Variants in DOP1B observed in about 807,000 individuals in gnomAD.
DOP1B encodes DOP1 leucine zipper like protein B, also known as protein DOP1B.
DOP1B carries 174 observed loss-of-function variants against 233.5 expected under a neutral mutation model. The observed-to-expected ratio is 0.75, with a 90% CI of 0.66 to 0.85. The LOEUF is 0.85. DOP1B is among the 40% of genes least tolerant of loss of function. The pLI is 0.00. For missense variants in DOP1B, 2,652 were observed against 2,846.6 expected, an observed-to-expected ratio of 0.93 and a Z score of 1.56; for synonymous variants, 1,190 against 1,185.6, an observed-to-expected ratio of 1.00 and a Z score of -0.08.
chr21:36,289,424 GGTGTGTGTGTGTGTGTGTGTGT>G (rs59907412), intron 35 of DOP1B, among the ~76,000 whole-genome samples: 63,803 of 145,098 alleles, frequency 0.44, 13,723 homozygotes, highest in Middle Eastern at 0.54. Flanking sequence ...GTGTTTCTAT[GGTGTGTGTGTGTGTGTGTGTGT>G]GTGTGTGTGT....
chr21:36,249,972 C>A (rs12627483), intron 21 of DOP1B, among the ~76,000 whole-genome samples: 21,934 of 152,140 alleles, frequency 0.14, 1,683 homozygotes, highest in South Asian at 0.26. Flanking sequence ...ATTTTCTAAA[C>A]CTTTTTTAGG....
chr21:36,169,924 A>T, intron 2 of DOP1B: 1 of 771,898 alleles, frequency 1.3e-6, no homozygotes, highest in Non-Finnish European at 2.4e-6. Context: ...AATGCCCACA[A>T]CCACCATAGG....
At position 36,246,897 on chromosome 21, in the gene DOP1B, T is replaced by TGTTATG. The variant is rs1601446510; in HGVS notation, c.4697+220_4697+221insGTTATG. ...TGTTATGTTATGTTATGTTATGTTA[T>TGTTATG]TTTTGAGACAGAGTCTCTGTCACCC... On this transcript the variant is annotated intron_variant, in intron 19 of 36. Coordinates refer to ENST00000691173, the MANE Select transcript of DOP1B (RefSeq NM_001320714.2). The surrounding 1 kb of genome is among the most constrained non-coding windows in gnomAD (Gnocchi z 5.1). 6.9e-6 allele frequency among the ~76,000 whole-genome samples: 1 copy of TGTTATG among 145,084 alleles called. No individual in the cohort carries two copies. Among genetic ancestry groups the TGTTATG allele is most frequent in the Non-Finnish European group, 1.5e-5 (1 of 65,846 alleles).
At chr21:36,215,005 G>A (rs1021186558) in intron 9 of DOP1B, among the ~76,000 whole-genome samples, 1 of 152,112 alleles carries the variant, frequency 6.6e-6, no homozygotes, top group African/African-American at 2.4e-5. Flanking sequence ...ATTGTACCAC[G>A]GCACTCCAGC....
chr21:36,245,382 C>T lies in DOP1B; in HGVS notation c.3402C>T (p.Asp1134=), dbSNP rs77213848. The T allele has an allele frequency of 6.2e-7, 1 of 1,614,124 alleles. No homozygotes were observed. Among genetic ancestry groups the T allele is most frequent in the East Asian group, 2.2e-5 (1 of 44,878 alleles). ...NTSSFSSPSH[D]LQELSNEENC... ...CCTCCTTCTCCTCCCCTTCCCACGA[C>T]CTGCAGGAGCTGAGCAACGAAGAGA... is the stretch of plus-strand genomic sequence containing the variant. Residue 1134 remains aspartate (D), a synonymous_variant, in exon 19 of 37, where the codon GAC becomes GAT. Transcript: ENST00000691173. This position sits in a 1 kb window ranked among gnomAD's most constrained non-coding sequence, Gnocchi z 5.5.
intron 27 of DOP1B, among the ~76,000 whole-genome samples, chr21:36,275,623 A>AT (rs1282948414): frequency 6.6e-6 from 1 of 151,854 alleles, no homozygotes; most frequent in African/African-American, 2.4e-5. Flanking sequence ...TGTCTCAAAA[A>AT]AAAAAAAAAA....
intron 2 of DOP1B, among the ~76,000 whole-genome samples, chr21:36,175,025 C>T (rs967328833): frequency 4.6e-5 from 7 of 152,118 alleles, no homozygotes; most frequent in Non-Finnish European, 7.4e-5. Flanking sequence ...TCTGAGGCCT[C>T]GCTGCCTGGC....
intron 7 of DOP1B, among the ~76,000 whole-genome samples, chr21:36,212,412 T>A (rs924503396): frequency 5.3e-5 from 8 of 152,228 alleles, no homozygotes; most frequent in Admixed American, 4.6e-4. Flanking sequence ...CCTGTTGCTA[T>A]GGAGAAGTTC....
At chr21:36,248,625 A>C in intron 21 of DOP1B, 57 bp downstream of exon 21, 1 of 1,506,132 alleles carries the variant, frequency 6.6e-7, no homozygotes, top group East Asian at 2.3e-5. Flanking sequence ...GTTCCACCCA[A>C]AATAAATGTG....
chr21:36,195,183 A>G (rs1366769929), intron 2 of DOP1B, among the ~76,000 whole-genome samples: 2 of 152,050 alleles, frequency 1.3e-5, no homozygotes, highest in Admixed American at 6.6e-5. Flanking sequence ...CTACTAAAAA[A>G]TACAAAAATT....
rs1253354895 is a variant in DOP1B at position 36,238,200 on chromosome 21, AT to A, written c.2776-394del. Among the ~76,000 whole-genome samples, 3 of 152,066 alleles carry A rather than the reference AT, an allele frequency of 2.0e-5. 1 individual carries two copies. Among genetic ancestry groups the A allele is most frequent in the East Asian group, 3.9e-4 (2 of 5,186 alleles). ...AATAAATAAAAATAATAATAAACCA[AT>A]TTTTTTAAAAGAATATATTTTATTG... On this transcript the variant is annotated intron_variant, in intron 16 of 36. Transcript: ENST00000691173.
chr21:36,293,719 A>T lies in DOP1B; in HGVS notation c.*148A>T. ...GATTTCAGGCTAGGTGCGGTGGCTC[A>T]CACCTGTAATCTCAGCACTTTGGGA... is the stretch of plus-strand genomic sequence containing the variant. On this transcript the variant is annotated 3_prime_UTR_variant, in exon 37 of 37. Coordinates refer to ENST00000691173, the MANE Select transcript of DOP1B (RefSeq NM_001320714.2). The T allele has an allele frequency of 2.3e-6, 2 of 885,630 alleles. No individual in the cohort carries two copies. The highest frequency in any genetic ancestry group is 3.4e-6 in the Non-Finnish European group (2 of 583,894). The allele number at this position is 885,630 out of a possible 1,614,324, so 54.9% of individuals were successfully genotyped here.
rs1052240261 is a variant in DOP1B at position 36,261,743 on chromosome 21, A to G, written c.5315+1011A>G. 9 of 783,870 alleles carry G rather than the reference A, an allele frequency of 1.1e-5. No individual in the cohort carries two copies. In the South Asian group the frequency reaches 4.1e-4, roughly 36 times the overall value. The allele number at this position is 783,870 out of a possible 1,614,324, so 48.6% of individuals were successfully genotyped here. On this transcript the variant is annotated intron_variant, in intron 24 of 36. Coordinates refer to ENST00000691173, the MANE Select transcript of DOP1B (RefSeq NM_001320714.2). Reference sequence around the variant, plus strand: ...GCCAACGTGGTAAAACCCTATGTCTACTAAAACTACAAAAAATTAGCCAGG... The same window carrying G: ...GCCAACGTGGTAAAACCCTATGTCTGCTAAAACTACAAAAAATTAGCCAGG...
intron 2 of DOP1B, among the ~76,000 whole-genome samples, chr21:36,186,011 T>C (rs2066161307): frequency 6.6e-6 from 1 of 152,182 alleles, no homozygotes; most frequent in Non-Finnish European, 1.5e-5. Context: ...GAGACCAGCC[T>C]GGCCAACGTG....
intron 27 of DOP1B, among the ~76,000 whole-genome samples, chr21:36,272,324 G>A (rs1382306954): frequency 6.6e-6 from 1 of 151,930 alleles, no homozygotes; most frequent in African/African-American, 2.4e-5. Flanking sequence ...GCTCAGACCT[G>A]TAATCCCAAC....
At chr21:36,270,257 A>T in intron 27 of DOP1B, 100 bp downstream of exon 27, 1 of 1,398,284 alleles carries the variant, frequency 7.2e-7, no homozygotes, top group Non-Finnish European at 9.7e-7. Flanking sequence ...AAAAGAAAGA[A>T]AGTACTTAAG....
In DOP1B at chr21:36,262,243, G is replaced by A. The variant is rs114758819; in HGVS notation, c.5316-1303G>A. Among the ~76,000 whole-genome samples the A allele has an allele frequency of 6.3e-3, 963 of 152,298 alleles. 9 individuals carry two copies. Among genetic ancestry groups the A allele is most frequent in the African/African-American group, 0.022 (920 of 41,564 alleles). ...AGCGAATATATATTGCGTTGCTGGC[G>A]AATGTTGAGTGTAGTGGCCTGAGGG... On this transcript the variant is annotated intron_variant, in intron 24 of 36. Coordinates refer to ENST00000691173, the MANE Select transcript of DOP1B (RefSeq NM_001320714.2).
rs192631063 is a variant in DOP1B at position 36,197,913 on chromosome 21, A to G, written c.139-1157A>G. On this transcript the variant is annotated intron_variant, in intron 2 of 36. Transcript: ENST00000691173. ...GTAATCCCAGCTACTCAGGAGGCTG[A>G]GGAAGGAGAATCGCTTGAACCCAGG... Among the ~76,000 whole-genome samples the G allele has an allele frequency of 3.9e-5, 6 of 152,024 alleles. No individual in the cohort carries two copies. In the East Asian group the frequency reaches 1.2e-3, roughly 30 times the overall value.
intron 26 of DOP1B, among the ~76,000 whole-genome samples, chr21:36,267,481 A>G (rs1298145854): frequency 6.6e-6 from 1 of 152,180 alleles, no homozygotes; most frequent in Non-Finnish European, 1.5e-5. Context: ...AAGTGTGGCT[A>G]GTCTGCAGCC....
Sources: gnomAD v4.1 joint callset for allele counts (sites outside exome capture counted in the v4.1 genomes callset) on GRCh38, gnomAD v4.1.1 for gene constraint, Gnocchi (gnomAD v3.1) non-coding constraint, MANE v1.5 for transcripts, NCBI Gene and HGNC (gene_info 2026-07-23, HGNC 2026-07-21) for gene names.